Variants in MYO1H observed in about 807,000 individuals in gnomAD.
MYO1H encodes unconventional myosin-Ih.
Under a neutral mutation model 149.3 loss-of-function variants are expected in MYO1H, and 118 were observed. That is an observed-to-expected ratio of 0.79 (90% CI 0.68 to 0.92). The LOEUF (loss-of-function observed/expected upper bound fraction) is 0.92. MYO1H is among the 40% of genes least tolerant of loss of function. The pLI is 0.00. For synonymous variants in MYO1H, 447 were observed against 465.2 expected (o/e 0.96, Z 0.50); for missense variants, 1,212 against 1,280.7 (o/e 0.95, Z 0.82).
chr12:109,343,102 A>C (rs2048091986), upstream of MYO1H, among the ~76,000 whole-genome samples: 1 of 152,132 alleles, frequency 6.6e-6, no homozygotes, highest in Non-Finnish European at 1.5e-5. Context: ...AAAAAGAAAA[A>C]AAATTGCATT....
At chr12:109,374,450 T>C (rs1303063165) in intron 1 of MYO1H, among the ~76,000 whole-genome samples, 1 of 152,236 alleles carries the variant, frequency 6.6e-6, no homozygotes, top group Admixed American at 6.5e-5. Context: ...GTGCCTGGCA[T>C]ACTGTAAGTT....
At chr12:109,398,466 C>T (rs1870011519) in intron 5 of MYO1H, among the ~76,000 whole-genome samples, 1 of 152,094 alleles carries the variant, frequency 6.6e-6, no homozygotes, top group African/African-American at 2.4e-5. Flanking sequence ...ATCACAAGGG[C>T]CGGATGCAGT....
At chr12:109,425,064 G>A (rs1256954400) in intron 17 of MYO1H, among the ~76,000 whole-genome samples, 2 of 152,126 alleles carry the variant, frequency 1.3e-5, no homozygotes, top group African/African-American at 4.8e-5. Context: ...GAGGCCAGGA[G>A]TTCAAGACCA....
At chr12:109,391,853 G>T (rs1869671460) in intron 2 of MYO1H, among the ~76,000 whole-genome samples, 1 of 152,130 alleles carries the variant, frequency 6.6e-6, no homozygotes, top group Non-Finnish European at 1.5e-5. Context: ...TTGGCTGCAT[G>T]TATGTCTTCT....
At chr12:109,407,475 AC>A (rs1311280402) in intron 9 of MYO1H, among the ~76,000 whole-genome samples, 5 of 151,922 alleles carry the variant, frequency 3.3e-5, no homozygotes, top group South Asian at 2.1e-4. Context: ...TCATCATTAA[AC>A]ACTAGTTCAA....
chr12:109,406,467 TAAAAAAAAAAAA>T (rs56744077), intron 8 of MYO1H, among the ~76,000 whole-genome samples: 11 of 43,642 alleles, frequency 2.5e-4, no homozygotes, highest in South Asian at 2.2e-3. Context: ...CCCTATCTCT[TAAAAAAAAAAAA>T]AAAAAAAAAA....
At chr12:109,335,931 A>G in the MYO1H span, among the ~76,000 whole-genome samples, 1 of 152,278 alleles carries the variant, frequency 6.6e-6, no homozygotes, top group Admixed American at 6.5e-5. Context: ...GGACTTTTGC[A>G]TGGTTTCCAT....
the MYO1H span, among the ~76,000 whole-genome samples, chr12:109,324,236 C>A: frequency 2.0e-5 from 3 of 152,286 alleles, no homozygotes; most frequent in African/African-American, 4.8e-5. Context: ...GCTGGGCTTT[C>A]TTACAGCTTG....
intron 19 of MYO1H, among the ~76,000 whole-genome samples, chr12:109,429,215 CA>C (rs1284775732): frequency 6.6e-6 from 1 of 151,886 alleles, no homozygotes; most frequent in African/African-American, 2.4e-5. Context: ...TCAAAACAAA[CA>C]AAAACTGGTG....
chr12:109,318,966 G>GTTTTTGTTTTT, the MYO1H span, among the ~76,000 whole-genome samples: 2 of 61,238 alleles, frequency 3.3e-5, no homozygotes, highest in African/African-American at 7.5e-5. Context: ...CTGCGTTTTT[G>GTTTTTGTTTTT]GTTTTGTTTT....
At chr12:109,327,992 A>G in the MYO1H span, among the ~76,000 whole-genome samples, 1 of 151,780 alleles carries the variant, frequency 6.6e-6, no homozygotes, top group Admixed American at 6.6e-5. Context: ...ATTGTTTGAT[A>G]TACCACTTAG....
At position 109,443,153 on chromosome 12, in the gene MYO1H, T is replaced by TATATGTGTGTATATGTGTAC. The variant is rs1491328386; in HGVS notation, c.2689-361_2689-360insATATGTGTGTATATGTGTAC. On this transcript the variant is annotated intron_variant, in intron 27 of 31. Transcript: ENST00000310903. ...ATATATGTGTGTATATGTGTACGTATGTGTGTGTATATGTGTACGTATGTG... is the reference window on the plus strand; with the variant it reads ...ATATATGTGTGTATATGTGTACGTATATATGTGTGTATATGTGTACGTGTGTGTATATGTGTACGTATGTG... 2.0e-3 allele frequency among the ~76,000 whole-genome samples: 226 copies of TATATGTGTGTATATGTGTAC among 113,494 alleles called. 54 individuals are homozygous for TATATGTGTGTATATGTGTAC. The highest frequency in any genetic ancestry group is 9.7e-3 in the African/African-American group (210 of 21,654). 74.5% of individuals were successfully genotyped at this position (113,494 alleles called of 152,430 possible). A position where few individuals can be genotyped will look rare whatever the true frequency, so the allele number is the denominator to read the frequency against.
At chr12:109,417,369 C>T (rs1870959694) in intron 15 of MYO1H, among the ~76,000 whole-genome samples, 1 of 152,086 alleles carries the variant, frequency 6.6e-6, no homozygotes, top group Non-Finnish European at 1.5e-5. Context: ...GCTCTGTCTC[C>T]CAGGCTGGCG....
chr12:109,343,371 G>A (rs1301014780), upstream of MYO1H, among the ~76,000 whole-genome samples: 2 of 152,150 alleles, frequency 1.3e-5, no homozygotes, highest in Non-Finnish European at 2.9e-5. Context: ...AATTTTCTAT[G>A]TCCATTATTA....
the MYO1H span, among the ~76,000 whole-genome samples, chr12:109,333,049 AT>A: frequency 6.6e-6 from 1 of 152,150 alleles, no homozygotes; most frequent in Non-Finnish European, 1.5e-5. Context: ...GCCGGGTGCC[AT>A]GGCTCACACC....
At chr12:109,406,896 C>CT in intron 9 of MYO1H, 36 bp downstream of exon 9, 1 of 1,582,802 alleles carries the variant, frequency 6.3e-7, no homozygotes, top group Non-Finnish European at 8.7e-7. Context: ...TGCCAGCCCT[C>CT]CCTGCTGCTG....
At chr12:109,342,126 C>CTTTTTT in the MYO1H span, among the ~76,000 whole-genome samples, 7 of 126,064 alleles carry the variant, frequency 5.6e-5, no homozygotes, top group Admixed American at 1.7e-4. Flanking sequence ...AAATTTGATT[C>CTTTTTT]TTTTTTTTTT....
At chr12:109,319,002 T>C in the MYO1H span, among the ~76,000 whole-genome samples, 7 of 146,970 alleles carry the variant, frequency 4.8e-5, no homozygotes, top group South Asian at 4.4e-4. Context: ...TTTGCAACTT[T>C]TCTGTCATTC....
At chr12:109,390,912 C>T (rs1172922808) in intron 2 of MYO1H, among the ~76,000 whole-genome samples, 1 of 152,184 alleles carries the variant, frequency 6.6e-6, no homozygotes, top group Non-Finnish European at 1.5e-5. Context: ...GGGTGATCCA[C>T]CTGCCTCAGC....
Sources: allele counts gnomAD v4.1 joint callset (sites outside exome capture counted in the v4.1 genomes callset), GRCh38; gene constraint gnomAD v4.1.1; transcripts MANE v1.5; gene names NCBI Gene and HGNC (gene_info 2026-07-23, HGNC 2026-07-21).